VANGL1: variants seen among roughly 807,000 people sequenced by gnomAD.
VANGL1 encodes vang-like protein 1.
VANGL1 carries 18 observed loss-of-function variants against 48.4 expected under a neutral mutation model. That is an observed-to-expected ratio of 0.37 (90% CI 0.26 to 0.55). The LOEUF is 0.55. Among genes scored for constraint, VANGL1 ranks in the 20% least tolerant of loss-of-function variants. VANGL1 has a pLI of 0.81. For missense variants in VANGL1, 667 were observed against 675.8 expected (o/e 0.99, Z 0.14); for synonymous variants, 257 against 261.8 (o/e 0.98, Z 0.18).
At chr1:115,681,088 A>G (rs1477393336) in intron 4 of VANGL1, among the ~76,000 whole-genome samples, 1 of 152,148 alleles carries the variant, frequency 6.6e-6, no homozygotes, top group Non-Finnish European at 1.5e-5. Context: ...CTGTTTATTA[A>G]ATGCATACTG....
At chr1:115,654,959 C>T (rs1652287817) in intron 2 of VANGL1, among the ~76,000 whole-genome samples, 1 of 152,166 alleles carries the variant, frequency 6.6e-6, no homozygotes. Context: ...TTGGGCCAAC[C>T]TTGTTTCTTT....
At chr1:115,674,932 G>T (rs1203700277) in intron 4 of VANGL1, among the ~76,000 whole-genome samples, 1 of 150,436 alleles carries the variant, frequency 6.6e-6, no homozygotes. Context: ...AAGTAGAAGG[G>T]ACCATGTGTA....
chr1:115,684,658 A>G (rs1653524740), intron 6 of VANGL1, among the ~76,000 whole-genome samples: 1 of 152,194 alleles, frequency 6.6e-6, no homozygotes, highest in South Asian at 2.1e-4. Flanking sequence ...GGCCCAAGAA[A>G]TGGCATTTCT....
chr1:115,665,960 C>T (rs989240959), intron 4 of VANGL1, among the ~76,000 whole-genome samples: 4 of 152,112 alleles, frequency 2.6e-5, no homozygotes, highest in African/African-American at 9.7e-5. Flanking sequence ...TGGACAGGTG[C>T]AGAAACAGGC....
At chr1:115,683,160 ATTT>A (rs61197171) in intron 5 of VANGL1, among the ~76,000 whole-genome samples, 100,972 of 151,560 alleles carry the variant, frequency 0.67, 33,776 homozygotes, top group South Asian at 0.75. Context: ...TTGTTTGTTC[ATTT>A]TTTTTTGGCT....
intron 1 of VANGL1, among the ~76,000 whole-genome samples, chr1:115,647,720 AG>A (rs1425597168): frequency 6.6e-6 from 1 of 152,136 alleles, no homozygotes; most frequent in Non-Finnish European, 1.5e-5. Flanking sequence ...AGTAGAGTGA[AG>A]GGAGGATCAG....
In VANGL1 at chr1:115,685,378, G is replaced by A. The variant is rs750144479; in HGVS notation, c.1165G>A (p.Asp389Asn). Residue 389 changes from aspartate to asparagine, a missense_variant, in exon 7 of 8, where the codon GAC becomes AAC. Coordinates refer to ENST00000355485, the MANE Select transcript of VANGL1 (RefSeq NM_138959.3). Reference sequence around the variant, plus strand: ...GCAGAAAGCCCCAGGGGAGGTGATGGACCCTAGGGAGGCCGCCCAGGCCAT... The same window carrying A: ...GCAGAAAGCCCCAGGGGAGGTGATGAACCCTAGGGAGGCCGCCCAGGCCAT... ...EQQKAPGEVMDPREAAQAIFP... is the reference protein window; with the variant it reads ...EQQKAPGEVMNPREAAQAIFP... 4 of 1,613,930 alleles carry A rather than the reference G, an allele frequency of 2.5e-6. No individual in the cohort carries two copies. In the East Asian group the frequency reaches 8.9e-5, roughly 36 times the overall value.
chr1:115,670,445 G>C, intron 4 of VANGL1, among the ~76,000 whole-genome samples: 1 of 152,166 alleles, frequency 6.6e-6, no homozygotes, highest in East Asian at 1.9e-4. Flanking sequence ...TCTCTGGATT[G>C]CACTTTGATT....
chr1:115,675,244 G>A (rs1037907956), intron 4 of VANGL1, among the ~76,000 whole-genome samples: 5 of 152,212 alleles, frequency 3.3e-5, no homozygotes, highest in African/African-American at 9.6e-5. Context: ...GCTCACACCT[G>A]TAATCCTAGC....
intron 4 of VANGL1, among the ~76,000 whole-genome samples, chr1:115,668,418 A>G (rs563408825): frequency 6.6e-6 from 1 of 152,372 alleles, no homozygotes; most frequent in African/African-American, 2.4e-5. Flanking sequence ...CCTTAGCTCC[A>G]CTGGTTATTT....
At position 115,682,489 on chromosome 1, in the gene VANGL1, A is replaced by T; in HGVS notation, c.938A>T (p.Asn313Ile). The change falls in exon 5 of 8, where the codon AAT (asparagine) becomes ATT (isoleucine). Residue 313 changes from asparagine (N) to isoleucine (I), a missense_variant. By Grantham distance (149) the Asn-to-Ile change is moderately radical. Transcript: ENST00000355485. Reference sequence around the variant, plus strand: ...CATATGGCCGGGCTGAAAGTCTACAATGTAGATGGTATGTGCCTTGAAAGG... The same window carrying T: ...CATATGGCCGGGCTGAAAGTCTACATTGTAGATGGTATGTGCCTTGAAAGG... ...AKHMAGLKVY[N>I]VDGPSNNATG... 1 of 1,614,168 alleles carries T rather than the reference A, an allele frequency of 6.2e-7. No homozygotes were observed. Among genetic ancestry groups the T allele is most frequent in the Non-Finnish European group, 8.5e-7 (1 of 1,180,012 alleles).
At position 115,693,261 on chromosome 1, in the gene VANGL1, C is replaced by T. The variant is rs190492027; in HGVS notation, c.*1882C>T. ...TGGAAGTTCCTTACAATATCTTTCT[C>T]AGGAAATATTTTGGGAAATGGGGTA... On this transcript the variant is annotated 3_prime_UTR_variant, in exon 8 of 8. Coordinates refer to ENST00000355485, the MANE Select transcript of VANGL1 (RefSeq NM_138959.3). 1 of 152,678 alleles carries T rather than the reference C, an allele frequency of 6.5e-6. No individual in the cohort carries two copies. The highest frequency in any genetic ancestry group is 1.9e-4 in the East Asian group (1 of 5,172). 9.5% of individuals were successfully genotyped at this position (152,678 alleles called of 1,614,324 possible).
chr1:115,659,812 G>A, intron 3 of VANGL1, 39 bp downstream of exon 3: 1 of 1,613,860 alleles, frequency 6.2e-7, no homozygotes, highest in Non-Finnish European at 8.5e-7. Flanking sequence ...ACTGCCACTT[G>A]GCCAAGACTC....
chr1:115,656,046 G>T (rs1264642820), intron 2 of VANGL1, among the ~76,000 whole-genome samples: 1 of 152,130 alleles, frequency 6.6e-6, no homozygotes, highest in African/African-American at 2.4e-5. Context: ...CATATGGCAG[G>T]TCCTGCTCCC....
At chr1:115,662,868 C>G (rs547158223) in intron 3 of VANGL1, among the ~76,000 whole-genome samples, 5 of 150,834 alleles carry the variant, frequency 3.3e-5, no homozygotes, top group South Asian at 4.2e-4. Flanking sequence ...CTCACTGCAA[C>G]CTCCGACTCC....
chr1:115,647,711 G>A (rs1651991597), intron 1 of VANGL1, among the ~76,000 whole-genome samples: 1 of 152,158 alleles, frequency 6.6e-6, no homozygotes, highest in African/African-American at 2.4e-5. Flanking sequence ...CTGTGAATCA[G>A]TAGAGTGAAG....
chr1:115,667,386 G>T (rs934611807), intron 4 of VANGL1, among the ~76,000 whole-genome samples: 1 of 152,190 alleles, frequency 6.6e-6, no homozygotes, highest in Non-Finnish European at 1.5e-5. Flanking sequence ...AAAAGTTGTT[G>T]CAGAAAGTAA....
chr1:115,663,835 C>G lies in VANGL1; in HGVS notation c.379C>G (p.Pro127Ala). 5.6e-6 allele frequency: 9 copies of G among 1,614,216 alleles called. No individual in the cohort carries two copies. The highest frequency in any genetic ancestry group is 7.6e-6 in the Non-Finnish European group (9 of 1,180,044). Residue 127 changes from proline (P) to alanine (A), a missense_variant, in exon 4 of 8, where the codon CCT (proline) becomes GCT (alanine). By Grantham distance (27) the Pro-to-Ala change is conservative. Transcript: ENST00000355485. ...TCTTGGACTTCTAGTTTTCCTCACC[C>G]CTATTGCCTTCATCCTTTTACCTCC... is the stretch of plus-strand genomic sequence containing the variant. Reference protein sequence around the residue: ...SFLGLLVFLTPIAFILLPPIL... With the variant: ...SFLGLLVFLTAIAFILLPPIL...
At position 115,656,871 on chromosome 1, in the gene VANGL1, C is replaced by T. The variant is rs74757700; in HGVS notation, c.72-2770C>T. Among the ~76,000 whole-genome samples, 90 of 152,328 alleles carry T rather than the reference C, an allele frequency of 5.9e-4. 2 individuals carry two copies. In the East Asian group the frequency reaches 0.017, roughly 29 times the overall value. ...ATTTCCAGTGGAATTTGTGCTGTCA[C>T]AAGATTTGACCCATGGGACTAGTGA... On this transcript the variant is annotated intron_variant, in intron 2 of 7. Transcript: ENST00000355485.
Sources: allele counts gnomAD v4.1 joint callset (sites outside exome capture counted in the v4.1 genomes callset), GRCh38; gene constraint gnomAD v4.1.1; transcripts MANE v1.5; gene names NCBI Gene and HGNC (gene_info 2026-07-23, HGNC 2026-07-21).